GPHN: variants seen among roughly 807,000 people sequenced by gnomAD.
The protein encoded by GPHN is gephyrin.
Under a neutral mutation model 95.5 loss-of-function variants are expected in GPHN, and 17 were observed. The observed-to-expected ratio is 0.18, with a 90% CI of 0.12 to 0.27. The LOEUF (loss-of-function observed/expected upper bound fraction) is 0.27. GPHN is among the 10% of genes least tolerant of loss of function. The probability of loss-of-function intolerance (pLI) is 1.00; values close to 1 mark genes in which losing one functional copy is unlikely to be tolerated. For synonymous variants in GPHN, 320 were observed against 322.5 expected, an observed-to-expected ratio of 0.99 and a Z score of 0.08; for missense variants, 660 against 978.1, an observed-to-expected ratio of 0.67 and a Z score of 4.34.
intron 17 of GPHN, among the ~76,000 whole-genome samples, chr14:67,134,953 C>CTTT (rs57933607): frequency 7.3e-4 from 33 of 45,242 alleles, no homozygotes; most frequent in Non-Finnish European, 1.1e-3. Flanking sequence ...TTTCTTTCTT[C>CTTT]TTTTTTTTTT....
At chr14:66,546,484 G>C (rs921319613) in intron 1 of GPHN, among the ~76,000 whole-genome samples, 5 of 152,140 alleles carry the variant, frequency 3.3e-5, no homozygotes, top group African/African-American at 1.2e-4. Context: ...GGGCAACATC[G>C]AGCACTGAGT....
chr14:67,274,090 G>A, the GPHN span, among the ~76,000 whole-genome samples: 231 of 152,218 alleles, frequency 1.5e-3, no homozygotes, highest in African/African-American at 5.3e-3. Context: ...CACTCTGATG[G>A]TAGTTTCTTT....
At chr14:67,514,422 G>T in the GPHN span, among the ~76,000 whole-genome samples, 15 of 152,186 alleles carry the variant, frequency 9.9e-5, no homozygotes, top group Non-Finnish European at 1.8e-4. Context: ...GAGGACCAGA[G>T]ATCAGGGAGG....
intron 1 of GPHN, among the ~76,000 whole-genome samples, chr14:66,536,462 A>G (rs2059149344): frequency 6.6e-6 from 1 of 152,168 alleles, no homozygotes; most frequent in Non-Finnish European, 1.5e-5. Context: ...CAATTTGTTA[A>G]TATTCTCTTT....
the GPHN span, among the ~76,000 whole-genome samples, chr14:67,486,695 A>T: frequency 6.6e-6 from 1 of 152,114 alleles, no homozygotes. Context: ...TTCCCCAGAC[A>T]CGTGGAATTA....
chr14:66,962,930 G>A (rs886240574), intron 8 of GPHN, among the ~76,000 whole-genome samples: 2 of 151,710 alleles, frequency 1.3e-5, no homozygotes, highest in African/African-American at 4.8e-5. Context: ...AGCATAATAG[G>A]TATAATCCTA....
chr14:67,573,734 G>T, the GPHN span: 1 of 998,036 alleles, frequency 1.0e-6, no homozygotes, highest in South Asian at 1.3e-5. This position sits in a 1 kb window ranked among gnomAD's most constrained non-coding sequence, Gnocchi z 4.8. Flanking sequence ...GAAGATCTGA[G>T]GGTAAATGAG....
chr14:67,245,570 C>T, the GPHN span, among the ~76,000 whole-genome samples: 1 of 151,898 alleles, frequency 6.6e-6, no homozygotes, highest in African/African-American at 2.4e-5. Context: ...AGGCTGGTCT[C>T]AGAACTCCTG....
chr14:67,224,160 A>G, the GPHN span, among the ~76,000 whole-genome samples: 12 of 152,204 alleles, frequency 7.9e-5, no homozygotes, highest in Non-Finnish European at 1.6e-4. Flanking sequence ...TTTGGGATAA[A>G]GTGGCACTTC....
intron 9 of GPHN, among the ~76,000 whole-genome samples, chr14:66,985,066 A>G (rs2070928244): frequency 6.6e-6 from 1 of 152,214 alleles, no homozygotes; most frequent in Admixed American, 6.5e-5. Flanking sequence ...TTCAGCTAAA[A>G]TAACTGAAAG....
In GPHN at chr14:66,880,015, C is replaced by T. The variant is rs868177928; in HGVS notation, c.371C>T (p.Pro124Leu). The T allele has an allele frequency of 6.2e-7, 1 of 1,603,986 alleles. No homozygotes were observed. The highest frequency in any genetic ancestry group is 1.1e-5 in the South Asian group (1 of 90,886). Reference sequence around the variant, plus strand: ...CTGATGGGATCACTTAATGTTACACCTCTGGGCATGCTCTCTAGGTAAGAA... The same window carrying T: ...CTGATGGGATCACTTAATGTTACACTTCTGGGCATGCTCTCTAGGTAAGAA... Reference protein sequence around the residue: ...AMLMGSLNVTPLGMLSRPVCG... With the variant: ...AMLMGSLNVTLLGMLSRPVCG... Residue 124 changes from proline (P) to leucine (L), a missense_variant, in exon 5 of 23, where the codon CCT (proline) becomes CTT (leucine). Physicochemically the swap from Pro to Leu is moderately conservative, Grantham distance 98. Transcript: ENST00000478722.
At chr14:67,620,050 T>C in the GPHN span, 1 of 1,611,358 alleles carries the variant, frequency 6.2e-7, no homozygotes, top group South Asian at 1.1e-5. Flanking sequence ...ATCCGTCCAC[T>C]CCGTGGCTGT....
chr14:66,867,619 T>C (rs2063277875), intron 4 of GPHN, among the ~76,000 whole-genome samples: 1 of 152,176 alleles, frequency 6.6e-6, no homozygotes, highest in African/African-American at 2.4e-5. Context: ...ATAACCCTTT[T>C]TAAAAATGTA....
the GPHN span, among the ~76,000 whole-genome samples, chr14:67,436,687 G>C: frequency 6.6e-6 from 1 of 152,218 alleles, no homozygotes; most frequent in Admixed American, 6.5e-5. Context: ...ATCCAGCCCA[G>C]AGAGCAGGTT....
At chr14:66,789,438 A>G (rs2059897223) in intron 3 of GPHN, among the ~76,000 whole-genome samples, 2 of 152,250 alleles carry the variant, frequency 1.3e-5, no homozygotes, top group Non-Finnish European at 2.9e-5. Flanking sequence ...CACAACACAT[A>G]CAAATACATA....
intron 1 of GPHN, among the ~76,000 whole-genome samples, chr14:66,665,721 A>C (rs1240968571): frequency 6.6e-6 from 1 of 152,190 alleles, no homozygotes; most frequent in Non-Finnish European, 1.5e-5. Flanking sequence ...AACTAGAAAT[A>C]CCATGTGACC....
the GPHN span, among the ~76,000 whole-genome samples, chr14:67,457,040 T>C: frequency 2.0e-5 from 3 of 152,070 alleles, no homozygotes; most frequent in Admixed American, 2.0e-4. Context: ...GAAAAGCAAA[T>C]ACAGCATCTT....
intron 8 of GPHN, among the ~76,000 whole-genome samples, chr14:66,956,515 T>C (rs1299457393): frequency 3.3e-5 from 5 of 151,902 alleles, no homozygotes; most frequent in African/African-American, 1.2e-4. Flanking sequence ...TGTAAAAGTG[T>C]TCCTATTTCT....
chr14:67,304,299 T>C, the GPHN span, among the ~76,000 whole-genome samples: 1 of 152,186 alleles, frequency 6.6e-6, no homozygotes, highest in East Asian at 1.9e-4. Flanking sequence ...CCAAAGTATA[T>C]ATCCAAAAGG....
Sources: allele counts gnomAD v4.1 joint callset (sites outside exome capture counted in the v4.1 genomes callset), GRCh38; gene constraint gnomAD v4.1.1; non-coding constraint Gnocchi (gnomAD v3.1); transcripts MANE v1.5; gene names NCBI Gene and HGNC (gene_info 2026-07-23, HGNC 2026-07-21).